Variants in ROBO1 observed in about 807,000 individuals in gnomAD.
ROBO1 encodes the protein roundabout homolog 1.
In ROBO1, 149 loss-of-function variants were observed where a neutral mutation model predicts 195.9. That is an observed-to-expected ratio of 0.76 (90% CI 0.67 to 0.87). The LOEUF is 0.87. ROBO1 is among the 40% of genes least tolerant of loss of function. The pLI, the probability that ROBO1 is intolerant of heterozygous loss-of-function variation, is 0.00. For missense variants in ROBO1, 1,933 were observed against 2,068.3 expected (o/e 0.93, Z 1.27); for synonymous variants, 816 against 733.2 (o/e 1.11, Z -1.82).
At chr3:79,537,854 C>A (rs116355049) in intron 2 of ROBO1, among the ~76,000 whole-genome samples, 1 of 151,868 alleles carries the variant, frequency 6.6e-6, no homozygotes, top group South Asian at 2.1e-4. Flanking sequence ...AGCTATGTAA[C>A]AAACCTACAT....
At chr3:79,356,773 T>C (rs1253401308) in intron 2 of ROBO1, among the ~76,000 whole-genome samples, 1 of 152,166 alleles carries the variant, frequency 6.6e-6, no homozygotes, top group Non-Finnish European at 1.5e-5. Context: ...GTATTTCCAT[T>C]TGTAAAGGAA....
chr3:79,184,067 T>G (rs531843958), intron 2 of ROBO1, among the ~76,000 whole-genome samples: 8 of 152,320 alleles, frequency 5.3e-5, no homozygotes, highest in African/African-American at 1.9e-4. Flanking sequence ...CCTCCAGAAT[T>G]TGGCTCTTTT....
intron 4 of ROBO1, among the ~76,000 whole-genome samples, chr3:78,839,955 G>A (rs1009898196): frequency 6.6e-6 from 1 of 152,150 alleles, no homozygotes; most frequent in African/African-American, 2.4e-5. Context: ...AACAAAAAGC[G>A]TATTAACTAA....
At chr3:79,037,203 T>C (rs2078396494) in intron 3 of ROBO1, among the ~76,000 whole-genome samples, 1 of 152,242 alleles carries the variant, frequency 6.6e-6, no homozygotes, top group South Asian at 2.1e-4. Flanking sequence ...GCTTTCAGAA[T>C]TAATTTTAAT....
intron 8 of ROBO1, among the ~76,000 whole-genome samples, chr3:78,706,465 G>A (rs946566684): frequency 2.6e-5 from 4 of 152,050 alleles, no homozygotes; most frequent in African/African-American, 9.7e-5. Context: ...TTATAACTGT[G>A]TTTTAGGTAG....
intron 4 of ROBO1, among the ~76,000 whole-genome samples, chr3:78,825,777 C>A (rs949798897): frequency 1.3e-5 from 2 of 152,168 alleles, no homozygotes; most frequent in African/African-American, 4.8e-5. Flanking sequence ...AAGTGATATT[C>A]TCTCTGGGAC....
chr3:79,115,447 T>C (rs921302164), intron 3 of ROBO1, among the ~76,000 whole-genome samples: 2 of 152,098 alleles, frequency 1.3e-5, no homozygotes, highest in Admixed American at 6.6e-5. Flanking sequence ...AAACAATCAG[T>C]AATAGTTACT....
intron 4 of ROBO1, among the ~76,000 whole-genome samples, chr3:78,769,044 G>C (rs1394072827): frequency 1.3e-5 from 2 of 151,964 alleles, no homozygotes; most frequent in Non-Finnish European, 2.9e-5. Context: ...TGCAGTTGTT[G>C]GATGAGATGT....
At chr3:79,328,726 C>A (rs547049120) in intron 2 of ROBO1, among the ~76,000 whole-genome samples, 4 of 152,040 alleles carry the variant, frequency 2.6e-5, no homozygotes, top group African/African-American at 4.8e-5. Flanking sequence ...ACCCACCACA[C>A]GAGCAGAGTA....
At chr3:79,641,990 T>C (rs1019574820) in intron 1 of ROBO1, among the ~76,000 whole-genome samples, 3 of 152,108 alleles carry the variant, frequency 2.0e-5, no homozygotes, top group Non-Finnish European at 4.4e-5. Context: ...CTGTGCTCCA[T>C]CCTGGGTGAC....
intron 3 of ROBO1, among the ~76,000 whole-genome samples, chr3:79,111,167 G>T (rs905929815): frequency 6.6e-6 from 1 of 152,122 alleles, no homozygotes; most frequent in Admixed American, 6.6e-5. Flanking sequence ...TAACTTCTTG[G>T]TTCAGGCATA....
At chr3:78,829,199 T>TA (rs2031918978) in intron 4 of ROBO1, among the ~76,000 whole-genome samples, 1 of 152,210 alleles carries the variant, frequency 6.6e-6, no homozygotes, top group Admixed American at 6.5e-5. Flanking sequence ...TAATTCCCTT[T>TA]AAAAAACTAG....
intron 2 of ROBO1, among the ~76,000 whole-genome samples, chr3:79,328,727 G>A (rs571742848): frequency 3.3e-5 from 5 of 152,014 alleles, no homozygotes; most frequent in African/African-American, 9.6e-5. Flanking sequence ...CCCACCACAC[G>A]AGCAGAGTAC....
At position 78,639,674 on chromosome 3, in the gene ROBO1, G is replaced by T. The variant is rs78790905; in HGVS notation, c.3037+70C>A. The T allele has an allele frequency of 7.7e-3, 10,974 of 1,420,652 alleles. 185 individuals carry two copies. Among genetic ancestry groups the T allele is most frequent in the South Asian group, 0.06 (4,238 of 70,162 alleles). 88.0% of individuals were successfully genotyped at this position (1,420,652 alleles called of 1,614,324 possible). A position where few individuals can be genotyped will look rare whatever the true frequency, so the allele number is the denominator to read the frequency against. ...TTTTATCTTTCCCATGTAGGGAGAGGGAAAGAAAAGATCTTCTGGCTAGTT... is the reference window on the plus strand; with the variant it reads ...TTTTATCTTTCCCATGTAGGGAGAGTGAAAGAAAAGATCTTCTGGCTAGTT... On this transcript the variant is annotated intron_variant, in intron 22 of 30. Transcript: ENST00000464233.
At position 78,636,117 on chromosome 3, in the gene ROBO1, A is replaced by C; in HGVS notation, c.3038-9T>G. On this transcript the variant is annotated splice_polypyrimidine_tract_variant and intron_variant, in intron 22 of 30. Transcript: ENST00000464233. ...ATTTGCTATACAATCAGCTATGTGC[A>C]ATGGAGAGGAAAAGGAAAAAATCAT... is the stretch of plus-strand genomic sequence containing the variant. 6.4e-7 allele frequency: 1 copy of C among 1,574,374 alleles called. No homozygotes were observed. The highest frequency in any genetic ancestry group is 8.7e-7 in the Non-Finnish European group (1 of 1,153,482).
chr3:78,866,681 T>C (rs1365937995), intron 4 of ROBO1, among the ~76,000 whole-genome samples: 2 of 152,164 alleles, frequency 1.3e-5, no homozygotes, highest in Non-Finnish European at 2.9e-5. Flanking sequence ...TCTTATATTG[T>C]TTAGTAAGTA....
intron 2 of ROBO1, among the ~76,000 whole-genome samples, chr3:79,509,221 G>A (rs1378137714): frequency 6.6e-6 from 1 of 151,888 alleles, no homozygotes; most frequent in Non-Finnish European, 1.5e-5. Context: ...CATATTCTGG[G>A]ATTATAGCTG....
intron 2 of ROBO1, among the ~76,000 whole-genome samples, chr3:79,210,073 G>T (rs1021281335): frequency 6.6e-6 from 1 of 151,994 alleles, no homozygotes; most frequent in African/African-American, 2.4e-5. Flanking sequence ...CAAACAAATG[G>T]AAACACATCC....
At chr3:79,166,297 G>T (rs1413355982) in intron 2 of ROBO1, among the ~76,000 whole-genome samples, 1 of 152,074 alleles carries the variant, frequency 6.6e-6, no homozygotes, top group African/African-American at 2.4e-5. Context: ...TTACAAACTT[G>T]CCCTTGACTA....
Sources: gnomAD v4.1 joint callset for allele counts (sites outside exome capture counted in the v4.1 genomes callset) on GRCh38, gnomAD v4.1.1 for gene constraint, MANE v1.5 for transcripts, NCBI Gene and HGNC (gene_info 2026-07-23, HGNC 2026-07-21) for gene names.